CHL1: variants seen among roughly 807,000 people sequenced by gnomAD.
CHL1 encodes the protein cell adhesion molecule L1 like, also known as neural cell adhesion molecule L1-like protein.
In CHL1, 96 loss-of-function variants were observed where a neutral mutation model predicts 141.9. The ratio of observed to expected loss-of-function variants is 0.68; its 90% confidence interval spans 0.57 to 0.80. CHL1 has a LOEUF of 0.80. Among genes scored for constraint, CHL1 ranks in the 30% least tolerant of loss-of-function variants. CHL1 has a pLI of 0.00. For missense variants in CHL1, 1,820 were observed against 1,457.2 expected (o/e 1.25, Z -4.05); for synonymous variants, 613 against 502.2 (o/e 1.22, Z -2.95).
chr3:376,130 A>G (rs1206995168), intron 15 of CHL1, among the ~76,000 whole-genome samples: 1 of 152,208 alleles, frequency 6.6e-6, no homozygotes, highest in Non-Finnish European at 1.5e-5. Context: ...GAAATGATAC[A>G]ACTTTTTAAA....
At chr3:292,119 T>C (rs1016943421) in intron 2 of CHL1, among the ~76,000 whole-genome samples, 6 of 152,226 alleles carry the variant, frequency 3.9e-5, no homozygotes, top group African/African-American at 1.2e-4. Context: ...CTAGAAGTCA[T>C]AAAAGTGTTC....
intron 24 of CHL1, among the ~76,000 whole-genome samples, chr3:397,336 C>G (rs775829307): frequency 7.9e-5 from 12 of 151,936 alleles, no homozygotes; most frequent in Non-Finnish European, 1.3e-4. Flanking sequence ...TATTTAGTAA[C>G]TATATAATTA....
intron 1 of CHL1, among the ~76,000 whole-genome samples, chr3:219,139 A>ATCCCAT (rs1700595330): frequency 1.1e-5 from 1 of 89,112 alleles, no homozygotes; most frequent in African/African-American, 3.3e-5. Context: ...ACAGAGTGAG[A>ATCCCAT]CTCTGTCAAA....
chr3:395,547 C>G (rs1184413192), intron 24 of CHL1, among the ~76,000 whole-genome samples: 2 of 152,124 alleles, frequency 1.3e-5, no homozygotes, highest in Non-Finnish European at 2.9e-5. Context: ...GAAATCAGGT[C>G]AGAGGAACTG....
At chr3:198,200 G>C in intron 1 of CHL1, 1 of 173,176 alleles carries the variant, frequency 5.8e-6, no homozygotes, top group Admixed American at 6.2e-5. Context: ...CGGAGGGCAG[G>C]TGTGCGTCGG....
intron 5 of CHL1, among the ~76,000 whole-genome samples, chr3:331,383 C>T (rs933800755): frequency 6.6e-6 from 1 of 152,040 alleles, no homozygotes; most frequent in African/African-American, 2.4e-5. Flanking sequence ...CAGGCGAGTG[C>T]TACCGTGCCT....
chr3:312,665 G>T (rs1003412597), intron 2 of CHL1, among the ~76,000 whole-genome samples: 1 of 152,064 alleles, frequency 6.6e-6, no homozygotes, highest in Non-Finnish European at 1.5e-5. Context: ...TTTCATAAAG[G>T]GACACTTGAG....
chr3:199,923 A>G (rs949469783), intron 1 of CHL1, among the ~76,000 whole-genome samples: 7 of 152,236 alleles, frequency 4.6e-5, no homozygotes, highest in East Asian at 1.9e-4. Flanking sequence ...TAGTTGGGGA[A>G]CTACTGGTGT....
intron 9 of CHL1, among the ~76,000 whole-genome samples, chr3:346,740 G>A (rs557133157): frequency 5.9e-5 from 9 of 152,196 alleles, no homozygotes; most frequent in Non-Finnish European, 8.8e-5. Context: ...GATCTGGGTC[G>A]TCTCTCAGAA....
chr3:273,477 C>T (rs1246167952), intron 2 of CHL1, among the ~76,000 whole-genome samples: 1 of 152,152 alleles, frequency 6.6e-6, no homozygotes, highest in East Asian at 1.9e-4. Flanking sequence ...CTCTGTGTTA[C>T]CTTCTTTAAT....
At chr3:241,666 A>T (rs1468800584) in intron 1 of CHL1, among the ~76,000 whole-genome samples, 12 of 151,728 alleles carry the variant, frequency 7.9e-5, no homozygotes, top group Admixed American at 7.9e-4. Context: ...TCTTTCAGTC[A>T]TACTTTTTAA....
chr3:203,518 G>T (rs34185553), intron 1 of CHL1, among the ~76,000 whole-genome samples: 37,930 of 152,104 alleles, frequency 0.25, 5,015 homozygotes, highest in African/African-American at 0.28. Context: ...GTAATTAAGG[G>T]ACCTTAAAGA....
chr3:357,339 A>T (rs1703810290), intron 11 of CHL1, among the ~76,000 whole-genome samples: 1 of 152,176 alleles, frequency 6.6e-6, no homozygotes, highest in Non-Finnish European at 1.5e-5. Context: ...TCCTTTCCCC[A>T]TGTTATTTCA....
intron 15 of CHL1, among the ~76,000 whole-genome samples, chr3:366,778 C>G (rs1196552346): frequency 6.6e-6 from 1 of 152,054 alleles, no homozygotes; most frequent in African/African-American, 2.4e-5. Context: ...CAGCTGCAAT[C>G]CAGGTGTCTG....
chr3:259,151 G>A (rs544650706), intron 2 of CHL1, among the ~76,000 whole-genome samples: 28 of 151,886 alleles, frequency 1.8e-4, no homozygotes, highest in Middle Eastern at 3.4e-3. Flanking sequence ...GAACTCCTGG[G>A]CTCAAGTGAT....
At chr3:202,837 G>C (rs186871263) in intron 1 of CHL1, among the ~76,000 whole-genome samples, 146 of 152,224 alleles carry the variant, frequency 9.6e-4, no homozygotes, top group Non-Finnish European at 3.7e-4. Context: ...GTATAATTTC[G>C]TTTTTCAACC....
intron 11 of CHL1, among the ~76,000 whole-genome samples, chr3:355,223 G>A (rs1030952753): frequency 2.6e-5 from 4 of 152,084 alleles, no homozygotes; most frequent in African/African-American, 9.7e-5. Flanking sequence ...TCACCCTCTG[G>A]TCCCGCTTGT....
In CHL1 at chr3:405,901, C is replaced by T. The variant is rs1343163832; in HGVS notation, c.*190C>T. 2 of 536,794 alleles carry T rather than the reference C, an allele frequency of 3.7e-6. No individual in the cohort carries two copies. Among genetic ancestry groups the T allele is most frequent in the East Asian group, 6.3e-5 (2 of 31,898 alleles). 33.3% of individuals were successfully genotyped at this position (536,794 alleles called of 1,614,324 possible). On this transcript the variant is annotated 3_prime_UTR_variant, in exon 28 of 28. Transcript: ENST00000256509. The stretch of plus-strand genomic sequence containing the variant: ...ATATAAAATGCCAAGCACTTCAGGC[C>T]TATGTTTTGCTTATATTGTTTTCAG...
chr3:246,981 T>C (rs1693231547), intron 2 of CHL1: 1 of 152,000 alleles, frequency 6.6e-6, no homozygotes, highest in Non-Finnish European at 1.5e-5. Flanking sequence ...TGATGGTACT[T>C]ATCTCTACAC....
Sources: allele counts gnomAD v4.1 joint callset (sites outside exome capture counted in the v4.1 genomes callset), GRCh38; gene constraint gnomAD v4.1.1; transcripts MANE v1.5; gene names NCBI Gene and HGNC (gene_info 2026-07-23, HGNC 2026-07-21).